Variants in LPL observed in about 807,000 individuals in gnomAD.
LPL encodes phospholipase A1.
In LPL, 43 loss-of-function variants were observed where a neutral mutation model predicts 52.2. The observed-to-expected ratio is 0.82, with a 90% CI of 0.64 to 1.06. The LOEUF (loss-of-function observed/expected upper bound fraction) is 1.06, where lower values mean the gene tolerates loss of function less well. LPL is among the 50% of genes least tolerant of loss of function. LPL has a pLI of 0.00. For missense variants in LPL, 639 were observed against 585.3 expected (o/e 1.09, Z -0.95); for synonymous variants, 244 against 215.6 (o/e 1.13, Z -1.15).
chr8:19,958,175 C>T (rs1007243893), intron 6 of LPL, among the ~76,000 whole-genome samples: 15 of 152,014 alleles, frequency 9.9e-5, no homozygotes, highest in Admixed American at 6.6e-4. Context: ...CCCGCCACCA[C>T]GCCCAACTAA....
intron 1 of LPL, among the ~76,000 whole-genome samples, chr8:19,940,643 G>A (rs1485039400): frequency 6.6e-6 from 1 of 152,244 alleles, no homozygotes; most frequent in Non-Finnish European, 1.5e-5. Context: ...CTTCCATGCT[G>A]GAATTGCAAT....
intron 7 of LPL, among the ~76,000 whole-genome samples, chr8:19,960,286 T>C (rs1049753959): frequency 6.6e-6 from 1 of 152,160 alleles, no homozygotes; most frequent in African/African-American, 2.4e-5. Flanking sequence ...AGCTACAAAA[T>C]ATTATTACAT....
chr8:19,955,901 T>A lies in LPL; in HGVS notation c.836T>A (p.Leu279Gln). Residue 279 changes from leucine (L) to glutamine (Q), a missense_variant, in exon 6 of 10, where the codon CTG (leucine) becomes CAG (glutamine). Physicochemically the swap from Leu to Gln is moderately radical, Grantham distance 113. Transcript: ENST00000650287. ...ERSIHLFIDSLLNEENPSKAY... is the reference protein window; with the variant it reads ...ERSIHLFIDSQLNEENPSKAY... ...TCCATTCATCTCTTCATCGACTCTCTGTTGAATGAAGAAAATCCAAGTAAG... is the reference window on the plus strand; with the variant it reads ...TCCATTCATCTCTTCATCGACTCTCAGTTGAATGAAGAAAATCCAAGTAAG... 6.2e-7 allele frequency: 1 copy of A among 1,614,150 alleles called. No individual in the cohort carries two copies. Among genetic ancestry groups the A allele is most frequent in the Non-Finnish European group, 8.5e-7 (1 of 1,180,004 alleles).
In LPL at chr8:19,959,777, C is replaced by CTTTTTTTTTTTTTT. The variant is rs71205952; in HGVS notation, c.1139+413_1139+426dup. Among the ~76,000 whole-genome samples, 54 of 65,132 alleles carry CTTTTTTTTTTTTTT rather than the reference C, an allele frequency of 8.3e-4. 7 individuals are homozygous for CTTTTTTTTTTTTTT. The highest frequency in any genetic ancestry group is 2.0e-3 in the East Asian group (4 of 1,962). 42.7% of individuals were successfully genotyped at this position (65,132 alleles called of 152,430 possible). On this transcript the variant is annotated intron_variant, in intron 7 of 9. Transcript: ENST00000650287. Reference sequence around the variant, plus strand: ...AGAAGTCCATGACAAAGTGTTAGCTCTTTTTTTTTTTTTTTTTTTTTTTTT... The same window carrying CTTTTTTTTTTTTTT: ...AGAAGTCCATGACAAAGTGTTAGCTCTTTTTTTTTTTTTTTTTTTTTTTTTTTTTTTTTTTTTTT...
intron 6 of LPL, among the ~76,000 whole-genome samples, chr8:19,958,204 T>C (rs2128838982): frequency 6.6e-6 from 1 of 152,118 alleles, no homozygotes; most frequent in Non-Finnish European, 1.5e-5. Context: ...TTTTTCTTAG[T>C]AGAAACAGGG....
chr8:19,957,750 T>C (rs1296975351), intron 6 of LPL, among the ~76,000 whole-genome samples: 1 of 152,208 alleles, frequency 6.6e-6, no homozygotes, highest in Non-Finnish European at 1.5e-5. Flanking sequence ...TAAAAAGAGA[T>C]GTATCTAAAC....
At chr8:19,948,091 T>G in intron 1 of LPL, 89 bp from the exon 2 acceptor site, 1 of 1,354,154 alleles carries the variant, frequency 7.4e-7, no homozygotes, top group Non-Finnish European at 1.1e-6. Flanking sequence ...GCATCAGCGG[T>G]GGTTGCCTGT....
At chr8:19,963,612 C>T (rs968986912) in intron 9 of LPL, among the ~76,000 whole-genome samples, 1 of 151,738 alleles carries the variant, frequency 6.6e-6, no homozygotes, top group Non-Finnish European at 1.5e-5. Context: ...CAGAGACAAC[C>T]CCAATTAACG....
In LPL at chr8:19,954,451, A is replaced by T. The variant is rs1010481089; in HGVS notation, c.775+98A>T. 1.8e-5 allele frequency: 23 copies of T among 1,267,162 alleles called. No homozygotes were observed. In the Middle Eastern group the frequency reaches 5.7e-4, roughly 31 times the overall value. The allele number at this position is 1,267,162 out of a possible 1,614,324, so 78.5% of individuals were successfully genotyped here. Reference sequence around the variant, plus strand: ...TAGCTTCAAAGTATGTAGTTTTCATATACACATTTGGCCAAATTATGTTTC... The same window carrying T: ...TAGCTTCAAAGTATGTAGTTTTCATTTACACATTTGGCCAAATTATGTTTC... On this transcript the variant is annotated intron_variant, in intron 5 of 9. Coordinates refer to ENST00000650287, the MANE Select transcript of LPL (RefSeq NM_000237.3).
chr8:19,939,957 C>T lies in LPL; in HGVS notation c.88+429C>T, dbSNP rs1259871241. ...GGCGCGCGGGCCAAGGTGACCTCGCCTTGGTTGGCACTGCGGCTCAGCCCC... is the reference window on the plus strand; with the variant it reads ...GGCGCGCGGGCCAAGGTGACCTCGCTTTGGTTGGCACTGCGGCTCAGCCCC... On this transcript the variant is annotated intron_variant, in intron 1 of 9. Transcript: ENST00000650287. This position sits in a 1 kb window ranked among gnomAD's most constrained non-coding sequence, Gnocchi z 4.0. Among the ~76,000 whole-genome samples, 1 of 152,184 alleles carries T rather than the reference C, an allele frequency of 6.6e-6. No homozygotes were observed. Among genetic ancestry groups the T allele is most frequent in the East Asian group, 1.9e-4 (1 of 5,150 alleles).
At chr8:19,945,800 G>A (rs2069877804) in intron 1 of LPL, among the ~76,000 whole-genome samples, 1 of 152,180 alleles carries the variant, frequency 6.6e-6, no homozygotes, top group Admixed American at 6.5e-5. Flanking sequence ...TTCTTAAAAT[G>A]TCAATTTGGC....
chr8:19,965,560 A>G lies in LPL; in HGVS notation c.*250A>G. 1 of 502,648 alleles carries G rather than the reference A, an allele frequency of 2.0e-6. No homozygotes were observed. The highest frequency in any genetic ancestry group is 3.5e-6 in the Non-Finnish European group (1 of 282,804). 31.1% of individuals were successfully genotyped at this position (502,648 alleles called of 1,614,324 possible). ...CTCCAACGTTAAAAGACAGTGGATCATGAAAAGTGCTGTTTTGTCCTTTGA... is the reference window on the plus strand; with the variant it reads ...CTCCAACGTTAAAAGACAGTGGATCGTGAAAAGTGCTGTTTTGTCCTTTGA... On this transcript the variant is annotated 3_prime_UTR_variant, in exon 10 of 10. Coordinates refer to ENST00000650287, the MANE Select transcript of LPL (RefSeq NM_000237.3).
intron 1 of LPL, among the ~76,000 whole-genome samples, chr8:19,942,718 A>C (rs894212753): frequency 1.3e-5 from 2 of 152,164 alleles, no homozygotes; most frequent in African/African-American, 4.8e-5. Context: ...AAGAGTTTGA[A>C]ATTTACTCTG....
chr8:19,961,051 G>A lies in LPL; in HGVS notation c.1290G>A (p.Lys430=). ...WWSSPGFAIQ[K]IRVKAGETQK... is the part of the protein sequence containing the mutation. ...GCAGTCCCGGCTTCGCCATTCAGAAGATCAGAGTAAAAGCAGGAGAGACTC... is the reference window on the plus strand; with the variant it reads ...GCAGTCCCGGCTTCGCCATTCAGAAAATCAGAGTAAAAGCAGGAGAGACTC... Residue 430 remains lysine (K), a synonymous_variant, in exon 8 of 10, where the codon AAG becomes AAA. Transcript: ENST00000650287. 6.2e-7 allele frequency: 1 copy of A among 1,614,106 alleles called. No individual in the cohort carries two copies. Among genetic ancestry groups the A allele is most frequent in the Non-Finnish European group, 8.5e-7 (1 of 1,180,026 alleles).
chr8:19,953,270 G>A, intron 3 of LPL, 40 bp from the exon 4 acceptor site: 1 of 1,219,966 alleles, frequency 8.2e-7, no homozygotes, highest in Non-Finnish European at 1.2e-6. Flanking sequence ...TTTATTTTTG[G>A]CAGAACTGTA....
At chr8:19,960,536 GAATA>G (rs1455118929) in intron 7 of LPL, among the ~76,000 whole-genome samples, 1 of 152,094 alleles carries the variant, frequency 6.6e-6, no homozygotes, top group Non-Finnish European at 1.5e-5. Flanking sequence ...AATCTGAAGA[GAATA>G]AAGAATAGAG....
Position 19,950,765 on chromosome 8 carries a change from C to A in LPL, c.250-1004C>A, listed in dbSNP as rs1238367591. Among the ~76,000 whole-genome samples, 1 of 151,834 alleles carries A rather than the reference C, an allele frequency of 6.6e-6. No individual in the cohort carries two copies. On this transcript the variant is annotated intron_variant, in intron 2 of 9. Coordinates refer to ENST00000650287, the MANE Select transcript of LPL (RefSeq NM_000237.3). This position sits in a 1 kb window ranked among gnomAD's most constrained non-coding sequence, Gnocchi z 4.2. Reference sequence around the variant, plus strand: ...GTTGCACTGAGCTGAGATCATGCCACTGCACTCCAGCCTGGGCGAGACAGT... The same window carrying A: ...GTTGCACTGAGCTGAGATCATGCCAATGCACTCCAGCCTGGGCGAGACAGT...
At position 19,960,941 on chromosome 8, in the gene LPL, T is replaced by C. The variant is rs774640681; in HGVS notation, c.1180T>C (p.Tyr394His). The change falls in exon 8 of 10, where the codon TAC becomes CAC. Residue 394 changes from tyrosine (Y) to histidine (H), a missense_variant. By Grantham distance (83) the Tyr-to-His change is moderately conservative. Coordinates refer to ENST00000650287, the MANE Select transcript of LPL (RefSeq NM_000237.3). ...AAATAAGACCTACTCCTTCCTAATT[T>C]ACACAGAGGTAGATATTGGAGAACT... ...STNKTYSFLI[Y>H]TEVDIGELLM... is the part of the protein sequence containing the mutation. The C allele has an allele frequency of 1.2e-6, 2 of 1,614,106 alleles. No individual in the cohort carries two copies. The highest frequency in any genetic ancestry group is 2.2e-5 in the South Asian group (2 of 91,084).
rs966110790 is a variant in LPL at position 19,950,133 on chromosome 8, T to C, written c.250-1636T>C. On this transcript the variant is annotated intron_variant, in intron 2 of 9. Coordinates refer to ENST00000650287, the MANE Select transcript of LPL (RefSeq NM_000237.3). The surrounding 1 kb of genome is among the most constrained non-coding windows in gnomAD (Gnocchi z 4.2). Reference sequence around the variant, plus strand: ...TGTCTGGCTGTGGGACTGAGTTGGGTCTGTGCAAGAACTAAGCCAGCCACA... The same window carrying C: ...TGTCTGGCTGTGGGACTGAGTTGGGCCTGTGCAAGAACTAAGCCAGCCACA... Among the ~76,000 whole-genome samples the C allele has an allele frequency of 6.6e-6, 1 of 152,156 alleles. No homozygotes were observed. Among genetic ancestry groups the C allele is most frequent in the Non-Finnish European group, 1.5e-5 (1 of 68,030 alleles).
Sources: allele counts gnomAD v4.1 joint callset (sites outside exome capture counted in the v4.1 genomes callset), GRCh38; gene constraint gnomAD v4.1.1; non-coding constraint Gnocchi (gnomAD v3.1); transcripts MANE v1.5; gene names NCBI Gene and HGNC (gene_info 2026-07-23, HGNC 2026-07-21).